Variants in SULT1A1 observed in about 807,000 individuals in gnomAD.
SULT1A1 encodes the protein sulfotransferase 1A1.
In SULT1A1, 35 loss-of-function variants were observed where a neutral mutation model predicts 36.8. The ratio of observed to expected loss-of-function variants is 0.95; its 90% CI spans 0.73 to 1.26. SULT1A1 has a LOEUF of 1.26. Among genes scored for constraint, SULT1A1 ranks in the 50% most tolerant of loss-of-function variants. SULT1A1 has a pLI of 0.00. For missense variants in SULT1A1, 309 were observed against 383.0 expected (o/e 0.81, Z 1.61); for synonymous variants, 119 against 146.0 (o/e 0.82, Z 1.33).
At chr16:28,620,692 A>C (rs1384254875) in intron 1 of SULT1A1, among the ~76,000 whole-genome samples, 1 of 152,218 alleles carries the variant, frequency 6.6e-6, no homozygotes, top group African/African-American at 2.4e-5. Flanking sequence ...TTCAAAAACT[A>C]TAACAATTCA....
chr16:28,608,621 T>C lies in SULT1A1; in HGVS notation c.149-18A>G, dbSNP rs758302703. On this transcript the variant is annotated intron_variant, in intron 2 of 7. Transcript: ENST00000314752. ...GGTAGTGCCTGGAGAGGGAGGGAGA[T>C]GGGAGGTGAGCAGGCTGAGGGCACG... 5 of 1,611,582 alleles carry C rather than the reference T, an allele frequency of 3.1e-6. No individual in the cohort carries two copies. Among genetic ancestry groups the C allele is most frequent in the Non-Finnish European group, 3.4e-6 (4 of 1,178,084 alleles).
At chr16:28,622,223 T>C (rs1420345382) in intron 1 of SULT1A1, among the ~76,000 whole-genome samples, 2 of 146,372 alleles carry the variant, frequency 1.4e-5, no homozygotes, top group African/African-American at 5.6e-5. Flanking sequence ...TGGGAGAATA[T>C]GCCCAGTGTC....
chr16:28,606,302 C>A (rs1389083768), intron 6 of SULT1A1, 66 bp from the exon 7 acceptor site: 5 of 1,608,120 alleles, frequency 3.1e-6, no homozygotes, highest in South Asian at 2.2e-5. Context: ...AAAGGGGTCC[C>A]CTTCTCTAAC....
Position 28,605,478 on chromosome 16 carries a change from A to G in SULT1A1, c.*343T>C. On this transcript the variant is annotated 3_prime_UTR_variant, in exon 8 of 8. Transcript: ENST00000314752. ...GTAGGGATGATGTCTTGTAATGTTG[A>G]ACAGGCTGGTCCCAAACTCCTGTCC... The G allele has an allele frequency of 2.4e-6, 1 of 413,204 alleles. No individual in the cohort carries two copies. Among genetic ancestry groups the G allele is most frequent in the Non-Finnish European group, 4.5e-6 (1 of 222,094 alleles). The allele number at this position is 413,204 out of a possible 1,614,324, so 25.6% of individuals were successfully genotyped here.
chr16:28,621,617 A>C (rs2035237845), intron 1 of SULT1A1, among the ~76,000 whole-genome samples: 1 of 152,026 alleles, frequency 6.6e-6, no homozygotes, highest in Non-Finnish European at 1.5e-5. Flanking sequence ...AGACTTCTTT[A>C]ACAGTTGCTA....
rs1420061587 is a variant in SULT1A1 at position 28,621,837 on chromosome 16, A to C, written c.67+1294T>G. ...TGCAATGATGATAGAGGCCACAGGGACCCTCCTGTGAGCAGATGGAGGATC... is the reference window on the plus strand; with the variant it reads ...TGCAATGATGATAGAGGCCACAGGGCCCCTCCTGTGAGCAGATGGAGGATC... On this transcript the variant is annotated intron_variant, in intron 1 of 5. Transcript: ENST00000350842. Among the ~76,000 whole-genome samples the C allele has an allele frequency of 2.6e-5, 4 of 152,192 alleles. No homozygotes were observed. In the East Asian group the frequency reaches 5.8e-4, roughly 22 times the overall value.
intron 2 of SULT1A1, among the ~76,000 whole-genome samples, chr16:28,618,622 G>T (rs925430981): frequency 6.6e-6 from 1 of 152,132 alleles, no homozygotes; most frequent in Non-Finnish European, 1.5e-5. Context: ...GGGATTACAG[G>T]CGTGAGCCAC....
At chr16:28,609,069 C>T (rs1340881851) in intron 1 of SULT1A1, 5 of 1,454,134 alleles carry the variant, frequency 3.4e-6, no homozygotes, top group African/African-American at 1.4e-5. Context: ...CTTTCATTCA[C>T]CTGCGGAGCT....
At chr16:28,620,737 G>T (rs1396223263) in intron 1 of SULT1A1, among the ~76,000 whole-genome samples, 2 of 152,138 alleles carry the variant, frequency 1.3e-5, no homozygotes. Flanking sequence ...GGGTCTATTG[G>T]TTACTTTTCT....
chr16:28,623,345 G>A (rs2047696447), exon 1 of SULT1A1: 8 of 1,498,336 alleles, frequency 5.3e-6, no homozygotes, highest in Non-Finnish European at 7.1e-6. Context: ...GCTGCAGCAC[G>A]TCCCCGGCGG....
In SULT1A1 at chr16:28,619,168, G is replaced by A. The variant is rs559931984; in HGVS notation, c.138+895C>T. Among the ~76,000 whole-genome samples, 20 of 152,018 alleles carry A rather than the reference G, an allele frequency of 1.3e-4. No individual in the cohort carries two copies. In the East Asian group the frequency reaches 2.7e-3, roughly 21 times the overall value. ...GCTGGGATTACAGACATACACCACCGTGCCCAGCTAATTTTTGTATTTTTA... is the reference window on the plus strand; with the variant it reads ...GCTGGGATTACAGACATACACCACCATGCCCAGCTAATTTTTGTATTTTTA... On this transcript the variant is annotated intron_variant, in intron 2 of 5. Transcript: ENST00000350842.
At chr16:28,607,518 A>C (rs2047252352) in intron 4 of SULT1A1, 1 of 173,472 alleles carries the variant, frequency 5.8e-6, no homozygotes, top group African/African-American at 2.3e-5. Flanking sequence ...GAAGAACAGG[A>C]CCAAAGCTGG....
Position 28,608,200 on chromosome 16 carries a change from T to C in SULT1A1, c.372+91A>G, listed in dbSNP as rs2047294238. 8 of 1,532,332 alleles carry C rather than the reference T, an allele frequency of 5.2e-6. No individual in the cohort carries two copies. In the Admixed American group the frequency reaches 1.4e-4, roughly 27 times the overall value. The allele number at this position is 1,532,332 out of a possible 1,614,324, so 94.9% of individuals were successfully genotyped here. A position where few individuals can be genotyped will look rare whatever the true frequency, so the allele number is the denominator to read the frequency against. ...CAAGGTTCTTCTATGTTGCTCAGGG[T>C]GCTCTCAAACTCCCAACCTCAGGTG... is the stretch of plus-strand genomic sequence containing the variant. On this transcript the variant is annotated intron_variant, in intron 4 of 7. Transcript: ENST00000314752.
upstream of SULT1A1, chr16:28,610,232 G>T (rs777893009): frequency 4.0e-6 from 5 of 1,236,824 alleles, no homozygotes; most frequent in African/African-American, 7.8e-5. Context: ...AAGGCCCAAT[G>T]GTGGGTTTGT....
Position 28,606,777 on chromosome 16 carries a change from T to C in SULT1A1, c.578A>G (p.Tyr193Cys). Residue 193 changes from tyrosine (Y) to cysteine (C), a missense_variant, in exon 6 of 8, where the codon TAT becomes TGT. Transcript: ENST00000314752. ...SRTHPVLYLF[Y>C]EDMKENPKRE... ...TGGTCTCACCTCCTTCATGTCTTCA[T>C]AGAAGAGGTAGAGAACAGGGTGGGT... 2 of 1,612,324 alleles carry C rather than the reference T, an allele frequency of 1.2e-6. No homozygotes were observed. Among genetic ancestry groups the C allele is most frequent in the Non-Finnish European group, 1.7e-6 (2 of 1,178,622 alleles).
At chr16:28,610,328 C>G, upstream of SULT1A1, 1 of 782,632 alleles carries the variant, frequency 1.3e-6, no homozygotes, top group Non-Finnish European at 1.7e-6. Flanking sequence ...CCCCTGAACT[C>G]CACCCTGCCA....
rs138013613 is a variant in SULT1A1 at position 28,607,056 on chromosome 16, C to T, written c.394G>A (p.Ala132Thr). Residue 132 changes from alanine to threonine, a missense_variant, in exon 5 of 8, where the codon GCA becomes ACA. Ala to Thr is a moderately conservative substitution (Grantham distance 58, BLOSUM62 0). Coordinates refer to ENST00000314752, the MANE Select transcript of SULT1A1 (RefSeq NM_001055.4). ...TAGTAGGAAACTGCCACATCCTTTG[C>T]GTTGCGGGCAACATAGACCACCTGC... ...KVKVVYVARN[A>T]KDVAVSYYHF... 9.3e-5 allele frequency: 150 copies of T among 1,612,498 alleles called. No individual in the cohort carries two copies. In the Admixed American group the frequency reaches 1.9e-3, roughly 20 times the overall value.
At chr16:28,609,241 TG>T (rs1432727241) in intron 1 of SULT1A1, 2 of 1,267,116 alleles carry the variant, frequency 1.6e-6, no homozygotes, top group African/African-American at 3.0e-5. Flanking sequence ...CAGCGCCCTT[TG>T]TCTCACCACT....
chr16:28,606,484 C>G (rs939570584), intron 6 of SULT1A1, among the ~76,000 whole-genome samples: 29 of 151,836 alleles, frequency 1.9e-4, no homozygotes, highest in Admixed American at 9.9e-4. Context: ...GTGACTGTGG[C>G]CCTGGGTAGC....
Sources: allele counts gnomAD v4.1 joint callset (sites outside exome capture counted in the v4.1 genomes callset), GRCh38; gene constraint gnomAD v4.1.1; transcripts MANE v1.5; gene names NCBI Gene and HGNC (gene_info 2026-07-23, HGNC 2026-07-21).